CHD9: variants seen among roughly 807,000 people sequenced by gnomAD.
CHD9 encodes the protein ATP-dependent chromatin remodeler CHD9.
A neutral mutation model predicts 316.1 loss-of-function variants in CHD9; 77 were observed. The observed-to-expected ratio is 0.24, with a 90% confidence interval of 0.20 to 0.29. CHD9 has a LOEUF of 0.29. Among genes scored for constraint, CHD9 ranks in the 10% least tolerant of loss-of-function variants. CHD9 has a pLI of 1.00. For synonymous variants in CHD9, 1,129 were observed against 1,158.3 expected, an observed-to-expected ratio of 0.97 and a Z score of 0.51; for missense variants, 2,763 against 3,438.1, an observed-to-expected ratio of 0.80 and a Z score of 4.91.
chr16:53,239,824 AAG>A (rs1169742808), intron 12 of CHD9, among the ~76,000 whole-genome samples: 2 of 152,226 alleles, frequency 1.3e-5, no homozygotes, highest in African/African-American at 4.8e-5. Context: ...TCCCTAAAAA[AAG>A]GAAAAGAATC....
intron 24 of CHD9, among the ~76,000 whole-genome samples, chr16:53,285,146 A>C (rs912868159): frequency 6.6e-6 from 1 of 152,158 alleles, no homozygotes; most frequent in East Asian, 1.9e-4. Flanking sequence ...TCTTAGCAAT[A>C]GTGGTCTAGA....
chr16:53,303,291 C>CA (rs933018732), intron 30 of CHD9, among the ~76,000 whole-genome samples: 1 of 151,638 alleles, frequency 6.6e-6, no homozygotes, highest in Admixed American at 6.6e-5. Flanking sequence ...CCAGGGAAGC[C>CA]AAAAGATTGG....
intron 1 of CHD9, among the ~76,000 whole-genome samples, chr16:53,155,230 G>A (rs2041426156): frequency 6.8e-6 from 1 of 147,388 alleles, no homozygotes; most frequent in Non-Finnish European, 1.5e-5. Flanking sequence ...AATCAGTTTT[G>A]TTTTTTTTTT....
chr16:53,096,511 A>G (rs889380002), intron 1 of CHD9, among the ~76,000 whole-genome samples: 2 of 152,130 alleles, frequency 1.3e-5, no homozygotes, highest in Admixed American at 6.5e-5. Flanking sequence ...GTTAAGTTCT[A>G]TACTACCCCA....
At chr16:53,295,887 C>T (rs1454937219) in intron 29 of CHD9, among the ~76,000 whole-genome samples, 1 of 152,176 alleles carries the variant, frequency 6.6e-6, no homozygotes, top group Non-Finnish European at 1.5e-5. Context: ...GATTATATTA[C>T]CATCTCAAAG....
chr16:53,221,721 T>G (rs2047252251), intron 3 of CHD9, among the ~76,000 whole-genome samples: 1 of 152,168 alleles, frequency 6.6e-6, no homozygotes, highest in Admixed American at 6.5e-5. Flanking sequence ...TAAAAAATAA[T>G]AGTTCTTATG....
chr16:53,286,100 A>T, intron 25 of CHD9, 126 bp from the exon 26 acceptor site: 1 of 558,790 alleles, frequency 1.8e-6, no homozygotes, highest in South Asian at 2.6e-5. Flanking sequence ...TACTTAACCT[A>T]TATCATTTTA....
intron 36 of CHD9, among the ~76,000 whole-genome samples, chr16:53,315,406 T>G (rs933635616): frequency 2.0e-5 from 3 of 152,252 alleles, no homozygotes; most frequent in Non-Finnish European, 4.4e-5. Flanking sequence ...CCTGCAGTTA[T>G]GCTGACATAC....
intron 19 of CHD9, among the ~76,000 whole-genome samples, chr16:53,260,799 G>C (rs1350584609): frequency 3.3e-5 from 5 of 152,078 alleles, no homozygotes; most frequent in African/African-American, 1.2e-4. Context: ...CTTCTGTCAT[G>C]TCATATCCTT....
At chr16:53,085,372 C>T (rs1196649577) in intron 1 of CHD9, among the ~76,000 whole-genome samples, 2 of 152,080 alleles carry the variant, frequency 1.3e-5, no homozygotes, top group East Asian at 1.9e-4. Context: ...GATCATCTTA[C>T]CCCCCAGGAC....
intron 2 of CHD9, among the ~76,000 whole-genome samples, chr16:53,196,791 A>G (rs1230793002): frequency 1.3e-5 from 2 of 152,174 alleles, no homozygotes; most frequent in African/African-American, 4.8e-5. Flanking sequence ...TTGTAGGGCA[A>G]TTTTAGAGCT....
chr16:53,090,000 C>T (rs1455358727), intron 1 of CHD9, among the ~76,000 whole-genome samples: 1 of 152,196 alleles, frequency 6.6e-6, no homozygotes, highest in East Asian at 1.9e-4. Flanking sequence ...GGACTTCTTT[C>T]AAGGGAACTT....
intron 2 of CHD9, among the ~76,000 whole-genome samples, chr16:53,162,253 G>A (rs754392602): frequency 3.3e-5 from 5 of 152,138 alleles, no homozygotes; most frequent in Non-Finnish European, 5.9e-5. Context: ...GAATAGTAGG[G>A]TTGTTGGGAG....
chr16:53,288,960 G>T (rs2054110617), intron 27 of CHD9, among the ~76,000 whole-genome samples: 1 of 151,480 alleles, frequency 6.6e-6, no homozygotes, highest in Non-Finnish European at 1.5e-5. Flanking sequence ...GTAAGAAACA[G>T]TTCAACCCTG....
chr16:53,321,772 C>A, intron 38 of CHD9, 142 bp downstream of exon 38: 1 of 510,606 alleles, frequency 2.0e-6, no homozygotes, highest in Non-Finnish European at 3.3e-6. Flanking sequence ...TTTTGCAGTA[C>A]ATGTTGCAAA....
intron 24 of CHD9, among the ~76,000 whole-genome samples, chr16:53,284,727 G>A (rs1807161670): frequency 6.6e-6 from 1 of 152,056 alleles, no homozygotes; most frequent in South Asian, 2.1e-4. Flanking sequence ...TGATTTTATG[G>A]CATTCTATTA....
Position 53,056,066 on chromosome 16 carries a change from T to C in CHD9, c.-165+989T>C, listed in dbSNP as rs532973140. On this transcript the variant is annotated intron_variant, in intron 1 of 38. Transcript: ENST00000447540. ...GTAAAAATGAGCCCTTATGTTTGTT[T>C]GTTTTATAGAGATAGGGCCTCACTA... is the stretch of plus-strand genomic sequence containing the variant. Among the ~76,000 whole-genome samples the C allele has an allele frequency of 1.9e-4, 29 of 152,334 alleles. 1 individual carries two copies. The highest frequency in any genetic ancestry group is 5.3e-4 in the African/African-American group (22 of 41,574).
rs200382720 is a variant in CHD9, at chr16:53,226,428, A to G, written c.1959A>G (p.Gln653=). 9 of 1,604,704 alleles carry G rather than the reference A, an allele frequency of 5.6e-6. No individual in the cohort carries two copies. The East Asian group carries it at 1.8e-4, about 32-fold the overall frequency. The change falls in exon 5 of 39, where the codon CAA becomes CAG. Residue 653 remains glutamine (Q), a synonymous_variant. Transcript: ENST00000447540. ...ACGCAGAAGATATAGAAGGGAAGCA[A>G]TCTGAAGAAGAGGTTAAAGGTTCTA... ...KKYAEDIEGK[Q]SEEEVKGSMK... is the part of the protein sequence containing the mutation.
intron 5 of CHD9, 106 bp downstream of exon 5, chr16:53,226,618 G>A (rs919558752): frequency 3.6e-5 from 44 of 1,208,234 alleles, no homozygotes; most frequent in African/African-American, 2.5e-4. Context: ...TTATCCTTCC[G>A]GATTCCATAT....
Sources: allele counts gnomAD v4.1 joint callset (sites outside exome capture counted in the v4.1 genomes callset), GRCh38; gene constraint gnomAD v4.1.1; transcripts MANE v1.5; gene names NCBI Gene and HGNC (gene_info 2026-07-23, HGNC 2026-07-21).